TRABD2B: variants seen among roughly 807,000 people sequenced by gnomAD.
TRABD2B encodes TraB domain containing 2B, also known as metalloprotease TIKI2.
Under a neutral mutation model 40.1 loss-of-function variants are expected in TRABD2B, and 14 were observed. The ratio of observed to expected loss-of-function variants is 0.35; its 90% CI spans 0.23 to 0.55. TRABD2B has a LOEUF of 0.55. TRABD2B is among the 20% of genes least tolerant of loss of function. The pLI is 0.90. For missense variants in TRABD2B, 541 were observed against 648.6 expected, an observed-to-expected ratio of 0.83 and a Z score of 1.80; for synonymous variants, 263 against 277.0, an observed-to-expected ratio of 0.95 and a Z score of 0.50.
chr1:47,766,052 G>A lies in TRABD2B; in HGVS notation c.1404C>T (p.Thr468=), dbSNP rs1191472862. ...CTGAAAGCTGGAAGGGGGGCTTGGC[G>A]GTCCCCGAGCTGTGGGTGGGCTGCA... ...LPLQPTHSSG[T]AKPPFQLSDQ... Residue 468 remains threonine, a synonymous_variant, in exon 7 of 7, where the codon ACC becomes ACT. Coordinates refer to ENST00000606738, the MANE Select transcript of TRABD2B (RefSeq NM_001194986.2). The A allele has an allele frequency of 1.6e-5, 11 of 696,660 alleles. No homozygotes were observed. The highest frequency in any genetic ancestry group is 2.3e-4 in the Middle Eastern group (1 of 4,330). The allele number at this position is 696,660 out of a possible 1,614,324, so 43.2% of individuals were successfully genotyped here. A position where few individuals can be genotyped will look rare whatever the true frequency, so the allele number is the denominator to read the frequency against.
In TRABD2B at chr1:47,813,013, C is replaced by T. The variant is rs1235445746; in HGVS notation, c.667-11394G>A. ...ATGGTCTACACGGGAGGCGATCAGT[C>T]AGCGGTAGCCGTGGTTACCATTATC... On this transcript the variant is annotated intron_variant, in intron 2 of 6. Coordinates refer to ENST00000606738, the MANE Select transcript of TRABD2B (RefSeq NM_001194986.2). The surrounding 1 kb of genome is among the most constrained non-coding windows in gnomAD (Gnocchi z 4.3). Among the ~76,000 whole-genome samples the T allele has an allele frequency of 6.6e-6, 1 of 152,190 alleles. No homozygotes were observed. Among genetic ancestry groups the T allele is most frequent in the Non-Finnish European group, 1.5e-5 (1 of 68,028 alleles).
chr1:47,926,766 T>G (rs903765559), intron 2 of TRABD2B, among the ~76,000 whole-genome samples: 1 of 152,154 alleles, frequency 6.6e-6, no homozygotes, highest in African/African-American at 2.4e-5. Context: ...CCCTGGGGCA[T>G]GCAGCACCAC....
At chr1:47,803,243 C>T (rs1467711844) in intron 2 of TRABD2B, among the ~76,000 whole-genome samples, 2 of 152,230 alleles carry the variant, frequency 1.3e-5, no homozygotes, top group African/African-American at 2.4e-5. Context: ...TAAACCTTAG[C>T]CCCTCCCTGT....
At chr1:47,888,252 G>A (rs959766731) in intron 2 of TRABD2B, among the ~76,000 whole-genome samples, 1 of 152,236 alleles carries the variant, frequency 6.6e-6, no homozygotes, top group African/African-American at 2.4e-5. Context: ...CAGGGGCAAA[G>A]GAGTGTTAAA....
chr1:47,918,898 T>C (rs1644864686), intron 2 of TRABD2B, among the ~76,000 whole-genome samples: 1 of 152,236 alleles, frequency 6.6e-6, no homozygotes, highest in African/African-American at 2.4e-5. Context: ...AGCTCAGCTC[T>C]AAGTGGCCCC....
intron 5 of TRABD2B, among the ~76,000 whole-genome samples, chr1:47,775,835 T>G (rs1358402378): frequency 4.0e-5 from 6 of 148,670 alleles, no homozygotes. Context: ...GGTGTGAGAG[T>G]GGGGGTGAAG....
At chr1:47,887,001 C>G (rs1381190133) in intron 2 of TRABD2B, among the ~76,000 whole-genome samples, 1 of 152,096 alleles carries the variant, frequency 6.6e-6, no homozygotes, top group Admixed American at 6.5e-5. Context: ...GTCAGGAAGG[C>G]TGGGTTCTAG....
rs578241474 is a variant in TRABD2B at position 47,861,426 on chromosome 1, T to G, written c.667-59807A>C. Among the ~76,000 whole-genome samples the G allele has an allele frequency of 9.2e-5, 14 of 152,168 alleles. No individual in the cohort carries two copies. In the East Asian group the frequency reaches 1.2e-3, roughly 13 times the overall value. On this transcript the variant is annotated intron_variant, in intron 2 of 6. Coordinates refer to ENST00000606738, the MANE Select transcript of TRABD2B (RefSeq NM_001194986.2). The stretch of plus-strand genomic sequence containing the variant: ...AATGTCAATAATGAGAGGACAGAGA[T>G]AATTAACATCAGAAATAAAGGAGGG...
intron 2 of TRABD2B, among the ~76,000 whole-genome samples, chr1:47,881,378 G>A (rs1043912319): frequency 6.6e-6 from 1 of 152,170 alleles, no homozygotes; most frequent in African/African-American, 2.4e-5. Context: ...TTACTTGGAC[G>A]GTGTTAAGAC....
At chr1:47,934,905 AG>A (rs1645086732) in intron 2 of TRABD2B, among the ~76,000 whole-genome samples, 1 of 152,192 alleles carries the variant, frequency 6.6e-6, no homozygotes, top group African/African-American at 2.4e-5. Context: ...TCAAAATGCA[AG>A]GCAGAGTCCG....
chr1:47,775,182 C>T lies in TRABD2B; in HGVS notation c.1337G>A (p.Arg446His), dbSNP rs919659872. Residue 446 changes from arginine (R) to histidine (H), a missense_variant, in exon 6 of 7, where the codon CGC becomes CAC. By Grantham distance (29) the Arg-to-His change is conservative. This residue lies in a region of TRABD2B where 172 missense variants were observed against 155.8 expected (regional missense o/e 1.10). Transcript: ENST00000606738. The stretch of plus-strand genomic sequence containing the variant: ...CTCCCTGGCTCACCTGTCCTCGATG[C>T]GGACCCAGAGGTCATTGAACTGCCG... Reference protein sequence around the residue: ...RPRQFNDLWVRIEDSTTASPP... With the variant: ...RPRQFNDLWVHIEDSTTASPP... 1.3e-5 allele frequency: 16 copies of T among 1,235,744 alleles called. No individual in the cohort carries two copies. The highest frequency in any genetic ancestry group is 4.6e-5 in the African/African-American group (3 of 64,624). The allele number at this position is 1,235,744 out of a possible 1,614,324, so 76.5% of individuals were successfully genotyped here.
intron 4 of TRABD2B, among the ~76,000 whole-genome samples, chr1:47,790,802 T>A (rs1332844971): frequency 6.6e-6 from 1 of 152,248 alleles, no homozygotes; most frequent in Non-Finnish European, 1.5e-5. Context: ...GAATGGTGGC[T>A]GGCACATAGT....
chr1:47,972,659 T>G lies in TRABD2B; in HGVS notation c.666+21375A>C, dbSNP rs545350821. Among the ~76,000 whole-genome samples, 9 of 152,334 alleles carry G rather than the reference T, an allele frequency of 5.9e-5. No homozygotes were observed. The South Asian group carries it at 1.4e-3, about 25-fold the overall frequency. On this transcript the variant is annotated intron_variant, in intron 2 of 6. Coordinates refer to ENST00000606738, the MANE Select transcript of TRABD2B (RefSeq NM_001194986.2). ...CAGCCTCTAGAACTGTGAGAATTTT[T>G]TTTGTTTGTTTATAAGCCACTCAGT...
intron 2 of TRABD2B, among the ~76,000 whole-genome samples, chr1:47,861,124 T>C (rs1348610465): frequency 6.6e-6 from 1 of 152,204 alleles, no homozygotes; most frequent in Non-Finnish European, 1.5e-5. Flanking sequence ...GGACTACATC[T>C]GGTCTGGCTT....
intron 4 of TRABD2B, among the ~76,000 whole-genome samples, chr1:47,778,749 G>A (rs572451110): frequency 1.3e-5 from 2 of 152,280 alleles, no homozygotes; most frequent in South Asian, 2.1e-4. Context: ...TGGCTCTGCC[G>A]CTCATTAACT....
intron 4 of TRABD2B, among the ~76,000 whole-genome samples, chr1:47,789,005 C>T (rs1348971181): frequency 2.0e-5 from 3 of 152,170 alleles, no homozygotes; most frequent in Admixed American, 1.3e-4. Context: ...TTGTAATTTT[C>T]TTCTAGTGCA....
chr1:47,779,340 G>T (rs1644489469), intron 4 of TRABD2B, among the ~76,000 whole-genome samples: 1 of 152,160 alleles, frequency 6.6e-6, no homozygotes, highest in East Asian at 1.9e-4. Flanking sequence ...CCCTCCAGAG[G>T]TGTGTGTGGG....
At chr1:47,776,369 A>G (rs997414850) in intron 5 of TRABD2B, among the ~76,000 whole-genome samples, 31 of 152,204 alleles carry the variant, frequency 2.0e-4, no homozygotes, top group Non-Finnish European at 8.8e-5. Flanking sequence ...GAGCTATAGC[A>G]CAAGAATAAT....
intron 2 of TRABD2B, among the ~76,000 whole-genome samples, chr1:47,879,888 T>C (rs1253323652): frequency 6.6e-6 from 1 of 152,248 alleles, no homozygotes; most frequent in Non-Finnish European, 1.5e-5. Flanking sequence ...AGGCCACCCC[T>C]GCCAGGCTGA....
Sources: allele counts gnomAD v4.1 joint callset (sites outside exome capture counted in the v4.1 genomes callset), GRCh38; gene constraint gnomAD v4.1.1; regional missense constraint gnomAD v4.1.1; non-coding constraint Gnocchi (gnomAD v3.1); transcripts MANE v1.5; gene names NCBI Gene and HGNC (gene_info 2026-07-23, HGNC 2026-07-21).